The following ADK variants were observed in gnomAD, a reference collection of about 807,000 sequenced individuals.
ADK encodes the protein N6,N6-dimethyladenosine kinase.
In ADK, 24 loss-of-function variants were observed where a neutral mutation model predicts 44.7. The ratio of observed to expected loss-of-function variants is 0.54; its 90% confidence interval spans 0.39 to 0.76. The LOEUF is 0.76. Among genes scored for constraint, ADK ranks in the 30% least tolerant of loss-of-function variants. The pLI, the probability that ADK is intolerant of heterozygous loss-of-function variation, is 0.00. For missense variants in ADK, 321 were observed against 425.1 expected (o/e 0.76, Z 2.15); for synonymous variants, 128 against 142.6 (o/e 0.90, Z 0.73).
intron 6 of ADK, among the ~76,000 whole-genome samples, chr10:74,511,975 C>T (rs1032387207): frequency 2.6e-5 from 4 of 152,086 alleles, no homozygotes; most frequent in Non-Finnish European, 1.5e-5. Context: ...GAGGTACTTT[C>T]CTTCTATACC....
intron 8 of ADK, among the ~76,000 whole-genome samples, chr10:74,599,539 T>A (rs879828210): frequency 1.6e-4 from 25 of 152,334 alleles, no homozygotes; most frequent in South Asian, 1.2e-3. Flanking sequence ...TAAACTAGTT[T>A]TGTTAGCAAA....
At chr10:74,236,217 A>C (rs368893199) in intron 3 of ADK, among the ~76,000 whole-genome samples, 4 of 152,334 alleles carry the variant, frequency 2.6e-5, no homozygotes, top group African/African-American at 9.6e-5. Context: ...TGCAACATGG[A>C]ATTTAGAAAA....
At chr10:74,561,395 A>G (rs1850451943) in intron 7 of ADK, among the ~76,000 whole-genome samples, 1 of 152,230 alleles carries the variant, frequency 6.6e-6, no homozygotes, top group African/African-American at 2.4e-5. Context: ...AAGGAAAGAC[A>G]CAATGAAAAG....
chr10:74,196,141 T>C (rs1490167244), intron 1 of ADK, among the ~76,000 whole-genome samples: 1 of 152,062 alleles, frequency 6.6e-6, no homozygotes, highest in Non-Finnish European at 1.5e-5. Flanking sequence ...ACTGCTGTAC[T>C]AGCCACAACT....
intron 10 of ADK, among the ~76,000 whole-genome samples, chr10:74,677,997 C>G (rs1337747832): frequency 8.0e-6 from 1 of 125,398 alleles, no homozygotes; most frequent in African/African-American, 2.9e-5. Context: ...AAAAAATAGC[C>G]AGGCAGGGTG....
intron 10 of ADK, among the ~76,000 whole-genome samples, chr10:74,696,050 T>C (rs997970336): frequency 1.8e-4 from 27 of 152,148 alleles, no homozygotes; most frequent in Non-Finnish European, 3.1e-4. Context: ...ATACAGAGTC[T>C]TACTCTGTTA....
chr10:74,394,460 T>C (rs575724005), intron 5 of ADK, 147 bp downstream of exon 5: 3 of 825,990 alleles, frequency 3.6e-6, no homozygotes, highest in African/African-American at 1.7e-5. Context: ...TTTTCCTGTA[T>C]TGTTTTTAAA....
At chr10:74,459,333 A>T (rs1319551734) in intron 6 of ADK, among the ~76,000 whole-genome samples, 1 of 152,086 alleles carries the variant, frequency 6.6e-6, no homozygotes, top group Non-Finnish European at 1.5e-5. Flanking sequence ...GAATATGCAA[A>T]AATTTAACAG....
At chr10:74,411,437 T>C (rs539344303) in intron 6 of ADK, among the ~76,000 whole-genome samples, 1 of 152,244 alleles carries the variant, frequency 6.6e-6, no homozygotes, top group African/African-American at 2.4e-5. Context: ...GCAAGTCACA[T>C]GAATATTTTG....
At chr10:74,374,167 G>C (rs1347991270) in intron 4 of ADK, among the ~76,000 whole-genome samples, 1 of 152,092 alleles carries the variant, frequency 6.6e-6, no homozygotes, top group African/African-American at 2.4e-5. Context: ...AGAGTGAACT[G>C]GTTTTTTTGG....
chr10:74,546,358 A>G (rs1049232262), intron 7 of ADK, among the ~76,000 whole-genome samples: 3 of 152,192 alleles, frequency 2.0e-5, no homozygotes, highest in Admixed American at 1.3e-4. Context: ...TGGCATGGGC[A>G]TGGTAAGAGA....
intron 4 of ADK, among the ~76,000 whole-genome samples, chr10:74,363,557 C>G (rs1279919196): frequency 6.6e-6 from 1 of 152,010 alleles, no homozygotes; most frequent in African/African-American, 2.4e-5. Context: ...AGACTGGACC[C>G]TCTCAGGATC....
At chr10:74,220,378 A>T (rs986138476) in intron 2 of ADK, among the ~76,000 whole-genome samples, 2 of 152,190 alleles carry the variant, frequency 1.3e-5, no homozygotes, top group Non-Finnish European at 2.9e-5. Context: ...GCAATAATCA[A>T]TAGCTTACCA....
At chr10:74,643,795 G>T (rs1337034568) in intron 9 of ADK, among the ~76,000 whole-genome samples, 1 of 152,166 alleles carries the variant, frequency 6.6e-6, no homozygotes, top group African/African-American at 2.4e-5. Context: ...CTTCATCTAA[G>T]TTTAAAGATT....
intron 3 of ADK, among the ~76,000 whole-genome samples, chr10:74,236,676 T>C (rs755102363): frequency 3.3e-5 from 5 of 152,150 alleles, no homozygotes; most frequent in Non-Finnish European, 7.4e-5. Flanking sequence ...CTTGGAGATA[T>C]TGGGGGTTTG....
intron 6 of ADK, among the ~76,000 whole-genome samples, chr10:74,405,381 T>C (rs74914749): frequency 1.3e-5 from 2 of 151,554 alleles, no homozygotes; most frequent in East Asian, 1.9e-4. Flanking sequence ...TTTTTTTTTT[T>C]CAAATGTGAA....
At chr10:74,251,543 C>T (rs1845651591) in intron 3 of ADK, among the ~76,000 whole-genome samples, 1 of 152,124 alleles carries the variant, frequency 6.6e-6, no homozygotes, top group African/African-American at 2.4e-5. Context: ...ATTTTGCATT[C>T]ATCATCCATT....
At chr10:74,506,381 T>C in intron 6 of ADK, 1 of 231,496 alleles carries the variant, frequency 4.3e-6, no homozygotes, top group Non-Finnish European at 8.6e-6. Context: ...CTCTGCTTCT[T>C]GGGAGCACTT....
At chr10:74,658,379 C>T (rs1463150601) in intron 9 of ADK, among the ~76,000 whole-genome samples, 1 of 152,130 alleles carries the variant, frequency 6.6e-6, no homozygotes, top group Admixed American at 6.6e-5. Context: ...CAAAGGTAGA[C>T]AGTCCATAGA....
Sources: gnomAD v4.1 joint callset for allele counts (sites outside exome capture counted in the v4.1 genomes callset) on GRCh38, gnomAD v4.1.1 for gene constraint, MANE v1.5 for transcripts, NCBI Gene and HGNC (gene_info 2026-07-23, HGNC 2026-07-21) for gene names.